Variants in MYO16 observed in about 807,000 individuals in gnomAD.
The protein encoded by MYO16 is unconventional myosin-XVI.
A neutral mutation model predicts 205.3 loss-of-function variants in MYO16; 94 were observed. That is an observed-to-expected ratio of 0.46 (90% confidence interval 0.39 to 0.54). The LOEUF is 0.54. Among genes scored for constraint, MYO16 ranks in the 20% least tolerant of loss-of-function variants. The probability of loss-of-function intolerance (pLI) is 0.00; values close to 1 mark genes in which losing one functional copy is unlikely to be tolerated. For synonymous variants in MYO16, 988 were observed against 954.0 expected, an observed-to-expected ratio of 1.04 and a Z score of -0.66; for missense variants, 2,315 against 2,387.5, an observed-to-expected ratio of 0.97 and a Z score of 0.63.
intron 12 of MYO16, among the ~76,000 whole-genome samples, chr13:108,877,456 G>A (rs1594363596): frequency 6.6e-6 from 1 of 152,224 alleles, no homozygotes; most frequent in South Asian, 2.1e-4. Context: ...TCTGACTCCA[G>A]TCATAGGTTC....
chr13:108,590,064 A>T, the MYO16 span, among the ~76,000 whole-genome samples: 28 of 152,314 alleles, frequency 1.8e-4, no homozygotes, highest in African/African-American at 6.5e-4. Context: ...CTGCTTTTTT[A>T]AAAAATCAAA....
chr13:109,175,642 A>T (rs1021382882), intron 33 of MYO16, among the ~76,000 whole-genome samples: 1 of 152,184 alleles, frequency 6.6e-6, no homozygotes, highest in African/African-American at 2.4e-5. Flanking sequence ...TCAGCAAGGG[A>T]CACATGAATC....
At position 108,701,341 on chromosome 13, in the gene MYO16, T is replaced by C. The variant is rs7325147; in HGVS notation, c.293-11320T>C. Among the ~76,000 whole-genome samples the C allele has an allele frequency of 3.2e-3, 485 of 152,200 alleles. 2 individuals carry two copies. Among genetic ancestry groups the C allele is most frequent in the African/African-American group, 0.011 (456 of 41,530 alleles). On this transcript the variant is annotated intron_variant, in intron 2 of 34. Coordinates refer to ENST00000457511, the MANE Select transcript of MYO16 (RefSeq NM_001198950.3). ...CATTGTAATAGTAATAAGAGGTGATTAGGCCATGAGGACTCTGCCCTCATG... is the reference window on the plus strand; with the variant it reads ...CATTGTAATAGTAATAAGAGGTGATCAGGCCATGAGGACTCTGCCCTCATG...
intron 16 of MYO16, among the ~76,000 whole-genome samples, chr13:108,950,414 C>T (rs1883098818): frequency 6.6e-6 from 1 of 152,040 alleles, no homozygotes; most frequent in Admixed American, 6.6e-5. Context: ...TATGAATATA[C>T]GGATAGCACA....
At chr13:108,926,702 AG>A (rs1464251920) in intron 16 of MYO16, among the ~76,000 whole-genome samples, 2 of 152,146 alleles carry the variant, frequency 1.3e-5, no homozygotes, top group Admixed American at 6.5e-5. Flanking sequence ...TTTGGAGAGA[AG>A]TAAGAGCAGT....
intron 2 of MYO16, among the ~76,000 whole-genome samples, chr13:108,691,438 G>A (rs112687248): frequency 6.6e-6 from 1 of 151,784 alleles, no homozygotes; most frequent in Non-Finnish European, 1.5e-5. Flanking sequence ...TAGAGAGAGA[G>A]AAATATTAAG....
chr13:109,114,196 C>G (rs1270026068), intron 28 of MYO16, among the ~76,000 whole-genome samples: 6 of 152,038 alleles, frequency 3.9e-5, no homozygotes, highest in African/African-American at 1.4e-4. Context: ...AGAGAGTGAC[C>G]CAGGGTCTTA....
intron 21 of MYO16, among the ~76,000 whole-genome samples, chr13:109,008,326 A>G (rs1013336360): frequency 5.3e-5 from 8 of 151,180 alleles, no homozygotes; most frequent in African/African-American, 1.9e-4. Context: ...TATCTTGTGT[A>G]TGCACTACTG....
intron 16 of MYO16, among the ~76,000 whole-genome samples, chr13:108,945,299 T>G (rs1237271328): frequency 6.6e-6 from 1 of 152,222 alleles, no homozygotes; most frequent in East Asian, 1.9e-4. Flanking sequence ...TGGGTCTTTC[T>G]GGAAAATTTC....
chr13:108,773,535 C>T (rs932050872), intron 4 of MYO16, among the ~76,000 whole-genome samples: 1 of 152,094 alleles, frequency 6.6e-6, no homozygotes, highest in Non-Finnish European at 1.5e-5. Flanking sequence ...CACGTGGCTG[C>T]CTTCCCTCTG....
the MYO16 span, among the ~76,000 whole-genome samples, chr13:108,550,903 A>C: frequency 6.6e-6 from 1 of 152,230 alleles, no homozygotes; most frequent in African/African-American, 2.4e-5. Context: ...ATAATGCATG[A>C]TTAAAAATGC....
chr13:108,500,145 A>T, the MYO16 span, among the ~76,000 whole-genome samples: 72 of 143,172 alleles, frequency 5.0e-4, 1 homozygote, highest in Non-Finnish European at 9.4e-4. Context: ...TCACATCCAC[A>T]CTGGAATCCT....
At chr13:108,597,080 A>G (rs1878590475) in intron 1 of MYO16, among the ~76,000 whole-genome samples, 1 of 152,236 alleles carries the variant, frequency 6.6e-6, no homozygotes, top group African/African-American at 2.4e-5. Context: ...TTATGCATCA[A>G]TACAAATTGT....
chr13:109,173,950 G>GGGT (rs1555338664), intron 33 of MYO16, among the ~76,000 whole-genome samples: 3 of 146,918 alleles, frequency 2.0e-5, no homozygotes. Flanking sequence ...GTTTTGATGG[G>GGGT]GGGGGGTACT....
In MYO16 at chr13:108,898,010, C is replaced by T. The variant is rs1880513170; in HGVS notation, c.1660-6C>T. 1.3e-6 allele frequency: 2 copies of T among 1,599,392 alleles called. No individual in the cohort carries two copies. The highest frequency in any genetic ancestry group is 1.7e-6 in the Non-Finnish European group (2 of 1,166,680). On this transcript the variant is annotated splice_region_variant and splice_polypyrimidine_tract_variant and intron_variant, in intron 14 of 34. Transcript: ENST00000457511. Reference sequence around the variant, plus strand: ...CAGTTCAGTAAAATGTTCTCCTCTCCCACAGGTCGTGTGCATCTTAGAAGC... The same window carrying T: ...CAGTTCAGTAAAATGTTCTCCTCTCTCACAGGTCGTGTGCATCTTAGAAGC...
At chr13:108,658,557 C>T (rs922079840) in intron 1 of MYO16, among the ~76,000 whole-genome samples, 6 of 151,568 alleles carry the variant, frequency 4.0e-5, no homozygotes, top group African/African-American at 4.8e-5. Flanking sequence ...CTATGAATTG[C>T]TTTAGTTTTA....
At chr13:108,529,413 T>A in the MYO16 span, among the ~76,000 whole-genome samples, 379 of 152,290 alleles carry the variant, frequency 2.5e-3, 2 homozygotes, top group African/African-American at 9.0e-3. Flanking sequence ...CATTTTTTTT[T>A]AATCTTACTA....
intron 1 of MYO16, among the ~76,000 whole-genome samples, chr13:108,644,911 AT>A (rs1880684897): frequency 2.0e-5 from 3 of 152,348 alleles, no homozygotes; most frequent in African/African-American, 7.2e-5. Flanking sequence ...TGGCAATTTT[AT>A]TCCAAGAGTA....
In MYO16 at chr13:108,856,063, A is replaced by C. The variant is rs1375834843; in HGVS notation, c.1359+510A>C. Among the ~76,000 whole-genome samples the C allele has an allele frequency of 2.8e-4, 43 of 152,246 alleles. 1 individual carries two copies. The highest frequency in any genetic ancestry group is 2.8e-3 in the Admixed American group (43 of 15,280). The stretch of plus-strand genomic sequence containing the variant: ...TTATACACAGATTCCTGATAGTAGA[A>C]TCCGAAAATATTACTCAAATGACAG... On this transcript the variant is annotated intron_variant, in intron 11 of 34. Coordinates refer to ENST00000457511, the MANE Select transcript of MYO16 (RefSeq NM_001198950.3).
Sources: gnomAD v4.1 joint callset for allele counts (sites outside exome capture counted in the v4.1 genomes callset) on GRCh38, gnomAD v4.1.1 for gene constraint, MANE v1.5 for transcripts, NCBI Gene and HGNC (gene_info 2026-07-23, HGNC 2026-07-21) for gene names.